The following SEMA3D variants were observed in gnomAD, a reference collection of about 807,000 sequenced individuals.
SEMA3D encodes semaphorin 3D, also known as semaphorin-3D.
SEMA3D carries 84 observed loss-of-function variants against 100.1 expected under a neutral mutation model. That is an observed-to-expected ratio of 0.84 (90% CI 0.70 to 1.01). The LOEUF (loss-of-function observed/expected upper bound fraction) is 1.01, where lower values mean the gene tolerates loss of function less well. Among genes scored for constraint, SEMA3D ranks in the 50% least tolerant of loss-of-function variants. The probability of loss-of-function intolerance (pLI) is 0.00; values close to 1 mark genes in which losing one functional copy is unlikely to be tolerated. For missense variants in SEMA3D, 875 were observed against 934.1 expected (o/e 0.94, Z 0.82); for synonymous variants, 312 against 320.7 (o/e 0.97, Z 0.29).
At position 85,158,293 on chromosome 7, in the gene SEMA3D, T is replaced by C. The variant is rs571287824; in HGVS notation, c.-172-4554A>G. On this transcript the variant is annotated intron_variant, in intron 1 of 18. Coordinates refer to ENST00000284136, the MANE Select transcript of SEMA3D (RefSeq NM_001384900.1). Reference sequence around the variant, plus strand: ...TAGGAGAAATATTGCTGAATTCTTTTTCTCAGCAAGGAACATCCCTGAGAA... The same window carrying C: ...TAGGAGAAATATTGCTGAATTCTTTCTCTCAGCAAGGAACATCCCTGAGAA... Among the ~76,000 whole-genome samples, 3 of 152,308 alleles carry C rather than the reference T, an allele frequency of 2.0e-5. No individual in the cohort carries two copies. The East Asian group carries it at 5.8e-4, about 29-fold the overall frequency.
intron 18 of SEMA3D, among the ~76,000 whole-genome samples, chr7:85,001,113 C>T (rs965822886): frequency 6.6e-6 from 1 of 152,184 alleles, no homozygotes; most frequent in Non-Finnish European, 1.5e-5. Context: ...TGGCTACCAG[C>T]CCAGTTAACT....
intron 4 of SEMA3D, among the ~76,000 whole-genome samples, chr7:85,087,378 C>A (rs1477943450): frequency 1.3e-5 from 2 of 152,162 alleles, no homozygotes; most frequent in Non-Finnish European, 2.9e-5. Flanking sequence ...ACCTTAGAGC[C>A]TTGATATCAA....
the SEMA3D span, among the ~76,000 whole-genome samples, chr7:85,202,175 A>C: frequency 6.7e-6 from 1 of 149,678 alleles, no homozygotes; most frequent in African/African-American, 2.4e-5. Flanking sequence ...GTCATCTAGC[A>C]TTAGGTATAT....
At position 85,113,834 on chromosome 7, in the gene SEMA3D, T is replaced by C. The variant is rs554845921; in HGVS notation, c.151+7907A>G. Among the ~76,000 whole-genome samples the C allele has an allele frequency of 1.6e-4, 25 of 152,112 alleles. No homozygotes were observed. In the South Asian group the frequency reaches 5.2e-3, roughly 32 times the overall value. ...AAATCCGTTAATATTATCTTGCAGCTATTCCAAGTAGCTAACTACTACCAG... is the reference window on the plus strand; with the variant it reads ...AAATCCGTTAATATTATCTTGCAGCCATTCCAAGTAGCTAACTACTACCAG... On this transcript the variant is annotated intron_variant, in intron 3 of 18. Transcript: ENST00000284136.
chr7:85,158,294 T>C (rs1283880907), intron 1 of SEMA3D, among the ~76,000 whole-genome samples: 1 of 152,182 alleles, frequency 6.6e-6, no homozygotes, highest in African/African-American at 2.4e-5. Flanking sequence ...GAATTCTTTT[T>C]CTCAGCAAGG....
the SEMA3D span, among the ~76,000 whole-genome samples, chr7:85,225,827 G>A: frequency 6.6e-6 from 1 of 152,136 alleles, no homozygotes; most frequent in Non-Finnish European, 1.5e-5. Context: ...ATTGCATCCG[G>A]CCAGGGGGAC....
At chr7:85,020,363 A>C in intron 13 of SEMA3D, 42 bp from the exon 14 acceptor site, 17 of 1,430,098 alleles carry the variant, frequency 1.2e-5, no homozygotes, top group Non-Finnish European at 1.7e-5. Context: ...TTTCTATCTC[A>C]AAAATTAGTG....
At chr7:85,223,826 A>G in the SEMA3D span, among the ~76,000 whole-genome samples, 2 of 151,942 alleles carry the variant, frequency 1.3e-5, no homozygotes, top group Non-Finnish European at 2.9e-5. Flanking sequence ...TGCTCAGGTG[A>G]TGGGTGCATC....
the SEMA3D span, among the ~76,000 whole-genome samples, chr7:85,221,804 C>T: frequency 2.1e-4 from 32 of 152,038 alleles, no homozygotes; most frequent in Admixed American, 3.3e-4. Flanking sequence ...ATAGCATTGA[C>T]TTAAATGTCA....
At chr7:85,157,261 A>G (rs1436576628) in intron 1 of SEMA3D, among the ~76,000 whole-genome samples, 2 of 152,240 alleles carry the variant, frequency 1.3e-5, no homozygotes, top group Non-Finnish European at 2.9e-5. Context: ...TGTTAACAAT[A>G]TCAAATATGG....
chr7:85,058,294 C>T (rs1347620724), intron 8 of SEMA3D, among the ~76,000 whole-genome samples: 3 of 152,018 alleles, frequency 2.0e-5, no homozygotes, highest in Non-Finnish European at 4.4e-5. Context: ...TGGCAAGGCC[C>T]ATTAAAAATT....
chr7:85,078,583 T>C, intron 5 of SEMA3D, among the ~76,000 whole-genome samples: 1 of 152,140 alleles, frequency 6.6e-6, no homozygotes. Flanking sequence ...TTGAATAACT[T>C]TCCTCTAAAT....
In SEMA3D at chr7:85,016,787, CT is replaced by C. The variant is rs35691304; in HGVS notation, c.1545+1464del. Among the ~76,000 whole-genome samples, 902 of 132,286 alleles carry C rather than the reference CT, an allele frequency of 6.8e-3. 2 individuals carry two copies. Among genetic ancestry groups the C allele is most frequent in the African/African-American group, 9.8e-3 (348 of 35,416 alleles). 86.8% of individuals were successfully genotyped at this position (132,286 alleles called of 152,430 possible). ...GTTTGTTTGTTTTCCTTTTCAATGG[CT>C]TTTTTTTTTTTTTTTGAGCCAGGTT... is the stretch of plus-strand genomic sequence containing the variant. On this transcript the variant is annotated intron_variant, in intron 15 of 18. Coordinates refer to ENST00000284136, the MANE Select transcript of SEMA3D (RefSeq NM_001384900.1).
chr7:85,225,757 C>T, the SEMA3D span, among the ~76,000 whole-genome samples: 1 of 152,060 alleles, frequency 6.6e-6, no homozygotes, highest in Non-Finnish European at 1.5e-5. Flanking sequence ...CAGGTCCCTG[C>T]CTGTATGCTC....
chr7:85,178,370 G>A (rs1019205787), intron 1 of SEMA3D, among the ~76,000 whole-genome samples: 1 of 152,172 alleles, frequency 6.6e-6, no homozygotes, highest in Non-Finnish European at 1.5e-5. Flanking sequence ...TGAAACTTCT[G>A]AGACTTGTTG....
At chr7:85,186,108 A>G (rs758178817) in intron 1 of SEMA3D, among the ~76,000 whole-genome samples, 1 of 152,160 alleles carries the variant, frequency 6.6e-6, no homozygotes, top group Non-Finnish European at 1.5e-5. Flanking sequence ...AAACGCTACA[A>G]CAAAAACCAC....
chr7:85,043,851 G>A (rs980149400), intron 9 of SEMA3D, among the ~76,000 whole-genome samples: 1 of 152,092 alleles, frequency 6.6e-6, no homozygotes, highest in Non-Finnish European at 1.5e-5. Flanking sequence ...ACAGGCATGT[G>A]AAACTGTGAG....
At position 85,063,703 on chromosome 7, in the gene SEMA3D, C is replaced by T. The variant is rs938575037; in HGVS notation, c.718+1721G>A. ...TCTGTCCTCGTCCTTCTTTAGTCTT[C>T]CATTCATGCTATTAAAAAACATGCT... On this transcript the variant is annotated intron_variant, in intron 8 of 18. Transcript: ENST00000284136. Among the ~76,000 whole-genome samples, 10 of 152,272 alleles carry T rather than the reference C, an allele frequency of 6.6e-5. 1 individual carries two copies.
At chr7:85,085,744 C>G (rs1788196226) in intron 4 of SEMA3D, among the ~76,000 whole-genome samples, 1 of 152,158 alleles carries the variant, frequency 6.6e-6, no homozygotes, top group South Asian at 2.1e-4. Context: ...TTAATAGTTT[C>G]AACTCTAATA....
Sources: allele counts gnomAD v4.1 joint callset (sites outside exome capture counted in the v4.1 genomes callset), GRCh38; gene constraint gnomAD v4.1.1; transcripts MANE v1.5; gene names NCBI Gene and HGNC (gene_info 2026-07-23, HGNC 2026-07-21).